The following KDM7A variants were observed in gnomAD, a reference collection of about 807,000 sequenced individuals.
KDM7A encodes the protein lysine-specific demethylase 7A.
In KDM7A, 28 loss-of-function variants were observed where a neutral mutation model predicts 114.8. The observed-to-expected ratio is 0.24, with a 90% CI of 0.18 to 0.33. The LOEUF (loss-of-function observed/expected upper bound fraction) is 0.33. Among genes scored for constraint, KDM7A ranks in the 10% least tolerant of loss-of-function variants. The pLI is 1.00. For missense variants in KDM7A, 942 were observed against 1,142.5 expected, an observed-to-expected ratio of 0.82 and a Z score of 2.53; for synonymous variants, 423 against 397.8, an observed-to-expected ratio of 1.06 and a Z score of -0.75.
rs1301223778 is a variant in KDM7A, at chr7:140,115,855, G to A, written c.1247-2273C>T. ...ATAAAACATTAATAGTACAAGAAAA[G>A]TAAAAAAAAAAAATAAATGTCATAC... is the stretch of plus-strand genomic sequence containing the variant. On this transcript the variant is annotated intron_variant, in intron 9 of 19. Coordinates refer to ENST00000397560, the MANE Select transcript of KDM7A (RefSeq NM_030647.2). 2.3e-3 allele frequency among the ~76,000 whole-genome samples: 223 copies of A among 98,814 alleles called. 1 individual carries two copies. Among genetic ancestry groups the A allele is most frequent in the Middle Eastern group, 5.7e-3 (1 of 174 alleles). 64.8% of individuals were successfully genotyped at this position (98,814 alleles called of 152,430 possible).
At chr7:140,131,910 G>A (rs1161070432) in intron 3 of KDM7A, among the ~76,000 whole-genome samples, 6 of 152,234 alleles carry the variant, frequency 3.9e-5, no homozygotes, top group Non-Finnish European at 7.4e-5. Flanking sequence ...ACAACATTTA[G>A]GGAGTGAGGC....
chr7:140,148,109 C>T lies in KDM7A; in HGVS notation c.195-8919G>A, dbSNP rs942033187. Among the ~76,000 whole-genome samples the T allele has an allele frequency of 6.3e-4, 95 of 151,690 alleles. 1 individual carries two copies. Among genetic ancestry groups the T allele is most frequent in the African/African-American group, 2.3e-3 (93 of 41,266 alleles). ...GCCCTAATCAACAGCGTATTAGCTACGAGGTTTGAGCCCAAATAGGAACTA... is the reference window on the plus strand; with the variant it reads ...GCCCTAATCAACAGCGTATTAGCTATGAGGTTTGAGCCCAAATAGGAACTA... On this transcript the variant is annotated intron_variant, in intron 1 of 19. Transcript: ENST00000397560.
At chr7:140,133,485 G>A (rs2116812291) in intron 3 of KDM7A, 54 bp downstream of exon 3, 2 of 1,034,036 alleles carry the variant, frequency 1.9e-6, no homozygotes, top group East Asian at 2.4e-5. Context: ...GTCACTCTAT[G>A]AGACGACATT....
chr7:140,129,384 G>A (rs935272008), intron 4 of KDM7A, 109 bp downstream of exon 4: 2 of 931,928 alleles, frequency 2.1e-6, no homozygotes, highest in Non-Finnish European at 3.3e-6. Context: ...TCACTTTTCT[G>A]AGCAGAAAAC....
chr7:140,124,734 C>A lies in KDM7A; in HGVS notation c.938G>T (p.Arg313Leu), dbSNP rs369398521. 1 of 1,612,258 alleles carries A rather than the reference C, an allele frequency of 6.2e-7. No homozygotes were observed. ...CACAGATGAACTCCAAGATTCATAACGTGCCAAATTTTCATCTGTTGGCTT... is the reference window on the plus strand; with the variant it reads ...CACAGATGAACTCCAAGATTCATAAAGTGCCAAATTTTCATCTGTTGGCTT... Reference protein sequence around the residue: ...LIKPTDENLARYESWSSSVTQ... With the variant: ...LIKPTDENLALYESWSSSVTQ... Residue 313 changes from arginine to leucine, a missense_variant, in exon 7 of 20, where the codon CGT becomes CTT. By Grantham distance (102) the Arg-to-Leu change is moderately radical. This residue lies in a region of KDM7A where 318 missense variants were observed against 453.1 expected (regional missense o/e 0.70). Transcript: ENST00000397560.
rs562712136 is a variant in KDM7A, at chr7:140,149,422, AATC to A, written c.195-10235_195-10233del. Among the ~76,000 whole-genome samples, 45 of 152,314 alleles carry A rather than the reference AATC, an allele frequency of 3.0e-4. 1 individual carries two copies. In the South Asian group the frequency reaches 5.6e-3, roughly 19 times the overall value. The stretch of plus-strand genomic sequence containing the variant: ...GAATGCATCCTTACAAATAAGCACA[AATC>A]ATTATTTCATGAAGGTAATAATTTT... On this transcript the variant is annotated intron_variant, in intron 1 of 19. Transcript: ENST00000397560.
rs1484004885 is a variant in KDM7A, at chr7:140,088,279, A to T, written c.*2815T>A. The T allele has an allele frequency of 2.7e-6, 1 of 374,164 alleles. No homozygotes were observed. Among genetic ancestry groups the T allele is most frequent in the Non-Finnish European group, 4.7e-6 (1 of 210,876 alleles). 23.2% of individuals were successfully genotyped at this position (374,164 alleles called of 1,614,324 possible). On this transcript the variant is annotated 3_prime_UTR_variant, in exon 20 of 20. Coordinates refer to ENST00000397560, the MANE Select transcript of KDM7A (RefSeq NM_030647.2). Reference sequence around the variant, plus strand: ...TTGTTTACATCACTCATCAATATTGAAAAGCATAATATTATGTGACATTGT... The same window carrying T: ...TTGTTTACATCACTCATCAATATTGTAAAGCATAATATTATGTGACATTGT...
At chr7:140,151,239 G>A (rs1192608413) in intron 1 of KDM7A, among the ~76,000 whole-genome samples, 5 of 152,218 alleles carry the variant, frequency 3.3e-5, no homozygotes, top group African/African-American at 9.6e-5. Context: ...ATCATGGCTA[G>A]TGCGACACCA....
Position 140,137,101 on chromosome 7 carries a change from G to A in KDM7A, c.280+2004C>T, listed in dbSNP as rs551305748. Among the ~76,000 whole-genome samples the A allele has an allele frequency of 6.6e-5, 10 of 152,296 alleles. No homozygotes were observed. The South Asian group carries it at 2.1e-3, about 32-fold the overall frequency. On this transcript the variant is annotated intron_variant, in intron 2 of 19. Transcript: ENST00000397560. The stretch of plus-strand genomic sequence containing the variant: ...AGAAGGTGAGGAGTAGGGAAGGTGA[G>A]CCTTAAATCCAGATAGAACAGATGA...
intron 14 of KDM7A, among the ~76,000 whole-genome samples, chr7:140,097,980 T>C (rs909787206): frequency 2.0e-5 from 3 of 152,240 alleles, no homozygotes; most frequent in Admixed American, 6.5e-5. Flanking sequence ...CACTTCTCCT[T>C]TTGCATTAGT....
intron 19 of KDM7A, 23 bp downstream of exon 19, chr7:140,091,781 C>G: frequency 6.2e-7 from 1 of 1,608,640 alleles, no homozygotes; most frequent in Non-Finnish European, 8.5e-7. Context: ...AATATACTTT[C>G]TCTATACATG....
intron 6 of KDM7A, among the ~76,000 whole-genome samples, chr7:140,126,001 C>T (rs1235620085): frequency 6.6e-6 from 1 of 152,124 alleles, no homozygotes. Context: ...ACTTCCTGGG[C>T]TCAAGTGATC....
intron 11 of KDM7A, among the ~76,000 whole-genome samples, chr7:140,103,689 A>T (rs1298625311): frequency 6.6e-6 from 1 of 152,086 alleles, no homozygotes; most frequent in Non-Finnish European, 1.5e-5. Context: ...ATGTGCCACA[A>T]TTTCTTAATC....
At chr7:140,105,115 T>C (rs774216566) in intron 11 of KDM7A, among the ~76,000 whole-genome samples, 33 of 152,336 alleles carry the variant, frequency 2.2e-4, no homozygotes, top group Non-Finnish European at 3.8e-4. Context: ...ATAGGAATGC[T>C]TGTGATTTTT....
chr7:140,119,299 T>A, intron 8 of KDM7A, 80 bp from the exon 9 acceptor site: 1 of 744,824 alleles, frequency 1.3e-6, no homozygotes, highest in Non-Finnish European at 2.2e-6. Flanking sequence ...GAAAATAAAA[T>A]AACCAGGTCA....
Position 140,176,178 on chromosome 7 carries a change from C to T in KDM7A, c.194+566G>A, listed in dbSNP as rs544456387. 4.1e-3 allele frequency among the ~76,000 whole-genome samples: 619 copies of T among 152,000 alleles called. 3 individuals carry two copies. Among genetic ancestry groups the T allele is most frequent in the Non-Finnish European group, 7.2e-3 (486 of 67,902 alleles). On this transcript the variant is annotated intron_variant, in intron 1 of 19. Coordinates refer to ENST00000397560, the MANE Select transcript of KDM7A (RefSeq NM_030647.2). The surrounding 1 kb of genome is among the most constrained non-coding windows in gnomAD (Gnocchi z 4.4). ...CTCCGGCCCGCCGCTGCCCCCGTCC[C>T]ACTGGCCCAGGAAGTTTGATAAAGA...
intron 1 of KDM7A, among the ~76,000 whole-genome samples, chr7:140,154,067 T>C (rs1794431308): frequency 6.6e-6 from 1 of 152,176 alleles, no homozygotes; most frequent in African/African-American, 2.4e-5. Context: ...TAACACACCA[T>C]GGTGACTGAA....
intron 1 of KDM7A, among the ~76,000 whole-genome samples, chr7:140,140,515 C>T (rs1419266518): frequency 6.6e-6 from 1 of 152,142 alleles, no homozygotes; most frequent in Non-Finnish European, 1.5e-5. Flanking sequence ...CTGGTTCACA[C>T]CCGTAATCCC....
At chr7:140,129,727 G>C in intron 3 of KDM7A, 74 bp from the exon 4 acceptor site, 3 of 873,960 alleles carry the variant, frequency 3.4e-6, no homozygotes, top group Non-Finnish European at 5.6e-6. Flanking sequence ...GGTAGTGATG[G>C]GTTAATTCAT....
Sources: allele counts gnomAD v4.1 joint callset (sites outside exome capture counted in the v4.1 genomes callset), GRCh38; gene constraint gnomAD v4.1.1; regional missense constraint gnomAD v4.1.1; non-coding constraint Gnocchi (gnomAD v3.1); transcripts MANE v1.5; gene names NCBI Gene and HGNC (gene_info 2026-07-23, HGNC 2026-07-21).